The following FBXL5 variants were observed in gnomAD, a reference collection of about 807,000 sequenced individuals.
FBXL5 encodes the protein F-box/LRR-repeat protein 5.
In FBXL5, 26 loss-of-function variants were observed where a neutral mutation model predicts 78.3. That is an observed-to-expected ratio of 0.33 (90% CI 0.24 to 0.46). The LOEUF (loss-of-function observed/expected upper bound fraction) is 0.46, where lower values mean the gene tolerates loss of function less well. Ranked by LOEUF, FBXL5 falls within the 20% of genes least tolerant of loss-of-function variation. FBXL5 has a pLI of 1.00. For missense variants in FBXL5, 710 were observed against 829.2 expected (o/e 0.86, Z 1.77); for synonymous variants, 295 against 282.5 (o/e 1.04, Z -0.45).
upstream of FBXL5, among the ~76,000 whole-genome samples, chr4:15,655,690 G>A (rs1716847440): frequency 6.6e-6 from 1 of 152,230 alleles, no homozygotes; most frequent in Non-Finnish European, 1.5e-5. Context: ...TTGAGGAGAG[G>A]CAGCCAAGCA....
At chr4:15,611,676 A>G (rs903922196) in intron 10 of FBXL5, among the ~76,000 whole-genome samples, 1 of 152,108 alleles carries the variant, frequency 6.6e-6, no homozygotes, top group Non-Finnish European at 1.5e-5. Context: ...GATTTTTGAA[A>G]GTAGGTTCAG....
rs1721753140 is a variant in FBXL5, at chr4:15,604,458, C to A, written c.*1265G>T. On this transcript the variant is annotated 3_prime_UTR_variant, in exon 11 of 11. Transcript: ENST00000341285. ...GCAATTACAATAGTAACAACAATCA[C>A]TGGCCACAGATCACCACAACAGATT... 3.3e-5 allele frequency: 5 copies of A among 151,984 alleles called. No individual in the cohort carries two copies. In the South Asian group the frequency reaches 1.0e-3, roughly 31 times the overall value. The allele number at this position is 151,984 out of a possible 1,614,324, so 9.4% of individuals were successfully genotyped here.
At chr4:15,640,635 TC>T (rs1425192842) in intron 3 of FBXL5, among the ~76,000 whole-genome samples, 152 bp downstream of exon 3, 2 of 151,966 alleles carry the variant, frequency 1.3e-5, no homozygotes, top group African/African-American at 4.8e-5. Flanking sequence ...GTTTTTTTTT[TC>T]CCTTGGGTTT....
intron 1 of FBXL5, among the ~76,000 whole-genome samples, chr4:15,677,493 T>C (rs1470400407): frequency 6.6e-6 from 1 of 152,154 alleles, no homozygotes; most frequent in Non-Finnish European, 1.5e-5. Context: ...GTTTACAGGA[T>C]TAAAACTTTT....
intron 1 of FBXL5, among the ~76,000 whole-genome samples, chr4:15,675,052 C>G (rs1293164528): frequency 6.6e-6 from 1 of 152,124 alleles, no homozygotes; most frequent in African/African-American, 2.4e-5. Context: ...AAGCAGTGGG[C>G]CTGCCACTAC....
chr4:15,669,807 T>C (rs6841413), intron 1 of FBXL5, among the ~76,000 whole-genome samples: 1,994 of 152,340 alleles, frequency 0.013, 55 homozygotes, highest in African/African-American at 0.046. Flanking sequence ...TAAGTAATAA[T>C]ACCACATATT....
intron 1 of FBXL5, among the ~76,000 whole-genome samples, chr4:15,651,984 T>G (rs1716126546): frequency 6.6e-6 from 1 of 152,212 alleles, no homozygotes; most frequent in Admixed American, 6.5e-5. Flanking sequence ...ATTTCCATCC[T>G]AGCATAGATG....
rs558960165 is a variant in FBXL5 at position 15,633,179 on chromosome 4, T to C, written c.767-2388A>G. Among the ~76,000 whole-genome samples the C allele has an allele frequency of 2.0e-5, 3 of 152,348 alleles. No homozygotes were observed. In the East Asian group the frequency reaches 5.8e-4, roughly 29 times the overall value. The stretch of plus-strand genomic sequence containing the variant: ...AAAGTTCATATTTTCCCAAAGTAAA[T>C]CTTTCTCTTTCAAACTATGGAAACA... On this transcript the variant is annotated intron_variant, in intron 5 of 10. Coordinates refer to ENST00000341285, the MANE Select transcript of FBXL5 (RefSeq NM_012161.4).
intron 9 of FBXL5, among the ~76,000 whole-genome samples, chr4:15,621,656 T>G (rs1712494148): frequency 6.6e-6 from 1 of 152,194 alleles, no homozygotes; most frequent in Admixed American, 6.5e-5. Context: ...TCCACTTATA[T>G]GAGGGGCCCA....
chr4:15,676,475 A>G (rs969746592), intron 1 of FBXL5, among the ~76,000 whole-genome samples: 4 of 152,188 alleles, frequency 2.6e-5, no homozygotes, highest in Non-Finnish European at 1.5e-5. Context: ...TTATATATTA[A>G]GAGAGACAAA....
At chr4:15,608,320 C>G (rs1169484040) in intron 10 of FBXL5, among the ~76,000 whole-genome samples, 1 of 151,986 alleles carries the variant, frequency 6.6e-6, no homozygotes, top group Non-Finnish European at 1.5e-5. Context: ...CAGATCTAAC[C>G]TGACATGACA....
chr4:15,605,354 G>C lies in FBXL5; in HGVS notation c.*369C>G, dbSNP rs1264959890. 6.3e-6 allele frequency: 1 copy of C among 158,514 alleles called. No homozygotes were observed. The highest frequency in any genetic ancestry group is 2.4e-5 in the African/African-American group (1 of 41,920). The allele number at this position is 158,514 out of a possible 1,614,324, so 9.8% of individuals were successfully genotyped here. ...GTGTCGGAAAAGATCTGCAAAGCTT[G>C]GTACAGTGTTAATGTGTAAAGAGAA... On this transcript the variant is annotated 3_prime_UTR_variant, in exon 11 of 11. Coordinates refer to ENST00000341285, the MANE Select transcript of FBXL5 (RefSeq NM_012161.4).
chr4:15,651,575 G>C (rs1716052065), intron 1 of FBXL5, among the ~76,000 whole-genome samples: 1 of 152,076 alleles, frequency 6.6e-6, no homozygotes, highest in Non-Finnish European at 1.5e-5. Context: ...CAGGTATGCA[G>C]AAAAATGGCG....
In FBXL5 at chr4:15,677,050, T is replaced by C. The variant is rs372471823; in HGVS notation, c.-284+4333A>G. 3.3e-4 allele frequency among the ~76,000 whole-genome samples: 50 copies of C among 152,310 alleles called. 1 individual carries two copies. In the East Asian group the frequency reaches 4.4e-3, roughly 13 times the overall value. ...TATATTAAGGTCAAAAAGAGGTTTATTTCGGATATACCGCTAGATAGCGTT... is the reference window on the plus strand; with the variant it reads ...TATATTAAGGTCAAAAAGAGGTTTACTTCGGATATACCGCTAGATAGCGTT... On this transcript the variant is annotated intron_variant, in intron 1 of 4. Transcript: ENST00000507899.
chr4:15,637,596 A>AT (rs1293942591), intron 4 of FBXL5, among the ~76,000 whole-genome samples: 2 of 152,198 alleles, frequency 1.3e-5, no homozygotes, highest in African/African-American at 4.8e-5. Context: ...ATAAAATGTA[A>AT]TAAGTGTGAT....
upstream of FBXL5, chr4:15,655,368 C>T: frequency 2.7e-6 from 3 of 1,113,540 alleles, no homozygotes; most frequent in South Asian, 9.1e-5. Flanking sequence ...AGAGGCGGCG[C>T]GCCCCCTTGC....
chr4:15,677,851 T>C (rs1718052464), intron 1 of FBXL5, among the ~76,000 whole-genome samples: 1 of 152,186 alleles, frequency 6.6e-6, no homozygotes. Context: ...GGAGTCAGCC[T>C]GGAAGAAGTC....
upstream of FBXL5, among the ~76,000 whole-genome samples, chr4:15,659,364 T>C (rs1717195078): frequency 6.6e-6 from 1 of 152,166 alleles, no homozygotes; most frequent in Non-Finnish European, 1.5e-5. Flanking sequence ...ATATTTAAAG[T>C]CCTAATTTCA....
intron 5 of FBXL5, among the ~76,000 whole-genome samples, chr4:15,631,525 C>G (rs1453432400): frequency 6.6e-6 from 1 of 152,192 alleles, no homozygotes; most frequent in Non-Finnish European, 1.5e-5. Context: ...CTAATTTACA[C>G]TCCCACCAAC....
Sources: gnomAD v4.1 joint callset for allele counts (sites outside exome capture counted in the v4.1 genomes callset) on GRCh38, gnomAD v4.1.1 for gene constraint, MANE v1.5 for transcripts, NCBI Gene and HGNC (gene_info 2026-07-23, HGNC 2026-07-21) for gene names.